The following UBE2H variants were observed in gnomAD, a reference collection of about 807,000 sequenced individuals.
The protein encoded by UBE2H is ubiquitin-conjugating enzyme E2 H.
In UBE2H, 3 loss-of-function variants were observed where a neutral mutation model predicts 29.0. The ratio of observed to expected loss-of-function variants is 0.10; its 90% CI spans 0.05 to 0.27. The LOEUF (loss-of-function observed/expected upper bound fraction) is 0.27, where lower values mean the gene tolerates loss of function less well. Among genes scored for constraint, UBE2H ranks in the 10% least tolerant of loss-of-function variants. The pLI, the probability that UBE2H is intolerant of heterozygous loss-of-function variation, is 1.00. For missense variants in UBE2H, 68 were observed against 228.2 expected, an observed-to-expected ratio of 0.30 and a Z score of 4.52; for synonymous variants, 69 against 82.9, an observed-to-expected ratio of 0.83 and a Z score of 0.91.
intron 1 of UBE2H, among the ~76,000 whole-genome samples, chr7:129,931,836 CTTT>C (rs372552075): frequency 3.0e-5 from 4 of 131,290 alleles, no homozygotes; most frequent in Non-Finnish European, 4.9e-5. Context: ...TTCTACTTTG[CTTT>C]TTTTTTTTTT....
At chr7:129,936,332 C>T (rs559213235) in intron 1 of UBE2H, among the ~76,000 whole-genome samples, 12 of 152,312 alleles carry the variant, frequency 7.9e-5, no homozygotes, top group Non-Finnish European at 1.5e-4. Flanking sequence ...CGGTGGCTCA[C>T]GCCTGTAATC....
At chr7:129,939,561 C>T (rs1171603181) in intron 1 of UBE2H, among the ~76,000 whole-genome samples, 2 of 152,132 alleles carry the variant, frequency 1.3e-5, no homozygotes, top group African/African-American at 4.8e-5. Context: ...AACCAATCAA[C>T]CTTCTACATA....
At chr7:129,864,972 G>A (rs1805873531) in intron 3 of UBE2H, 2 of 371,084 alleles carry the variant, frequency 5.4e-6, no homozygotes, top group African/African-American at 4.2e-5. Context: ...AGGGGATGGG[G>A]AGGATCGTAC....
chr7:129,941,048 G>A (rs1007975995), intron 1 of UBE2H, among the ~76,000 whole-genome samples: 8 of 151,904 alleles, frequency 5.3e-5, no homozygotes, highest in African/African-American at 7.3e-5. Context: ...TCCACCTCCC[G>A]GGTTCAAGCA....
chr7:129,847,096 G>C (rs1349386317), intron 5 of UBE2H, among the ~76,000 whole-genome samples: 1 of 152,068 alleles, frequency 6.6e-6, no homozygotes, highest in Non-Finnish European at 1.5e-5. Flanking sequence ...CCCCAGGCTG[G>C]AGTGTAGTGG....
chr7:129,841,289 ACAAGTACC>A (rs772058555), intron 5 of UBE2H, among the ~76,000 whole-genome samples: 1 of 152,222 alleles, frequency 6.6e-6, no homozygotes, highest in Non-Finnish European at 1.5e-5. Context: ...ATATACAAAA[ACAAGTACC>A]CAAGGTCTGC....
At chr7:129,947,284 A>C (rs2116533189) in intron 1 of UBE2H, among the ~76,000 whole-genome samples, 1 of 152,348 alleles carries the variant, frequency 6.6e-6, no homozygotes, top group Non-Finnish European at 1.5e-5. Flanking sequence ...TAGGCAGGGA[A>C]GACAAATTCA....
chr7:129,859,810 T>C (rs570193226), intron 3 of UBE2H, among the ~76,000 whole-genome samples: 13 of 152,218 alleles, frequency 8.5e-5, no homozygotes, highest in African/African-American at 1.2e-4. Context: ...TTTCAATATC[T>C]GAAGTTCCTT....
chr7:129,916,822 G>A (rs1807053405), intron 1 of UBE2H, among the ~76,000 whole-genome samples: 1 of 152,092 alleles, frequency 6.6e-6, no homozygotes, highest in Non-Finnish European at 1.5e-5. Flanking sequence ...GGGATCAAGA[G>A]GTTAAGAGAT....
chr7:129,872,327 A>G (rs1167929155), intron 3 of UBE2H, among the ~76,000 whole-genome samples: 1 of 152,160 alleles, frequency 6.6e-6, no homozygotes, highest in Non-Finnish European at 1.5e-5. Flanking sequence ...GAGTAACTCT[A>G]GAATGATTCC....
intron 3 of UBE2H, among the ~76,000 whole-genome samples, chr7:129,872,464 T>C (rs1029259178): frequency 1.5e-4 from 23 of 152,112 alleles, no homozygotes; most frequent in African/African-American, 5.3e-4. Flanking sequence ...AAATAAAAAA[T>C]GTATAATGCC....
chr7:129,895,495 C>T (rs983611794), intron 1 of UBE2H, among the ~76,000 whole-genome samples: 1 of 152,190 alleles, frequency 6.6e-6, no homozygotes, highest in Non-Finnish European at 1.5e-5. Context: ...ATAATTTCCC[C>T]GTAAATGATA....
chr7:129,874,711 A>C (rs1385934888), intron 3 of UBE2H, among the ~76,000 whole-genome samples: 1 of 152,116 alleles, frequency 6.6e-6, no homozygotes, highest in African/African-American at 2.4e-5. Flanking sequence ...GGCATTTTTC[A>C]GTTCATATGA....
chr7:129,948,952 CACAT>C (rs1266227961), intron 1 of UBE2H: 2 of 456,252 alleles, frequency 4.4e-6, no homozygotes, highest in Non-Finnish European at 8.8e-6. Flanking sequence ...ACTCTCTTGT[CACAT>C]ACTCCATCAG....
intron 3 of UBE2H, among the ~76,000 whole-genome samples, chr7:129,862,297 C>T (rs573131213): frequency 6.6e-6 from 1 of 152,332 alleles, no homozygotes; most frequent in South Asian, 2.1e-4. Flanking sequence ...ACTCTCAAAA[C>T]TAACACCTAA....
chr7:129,884,592 ATTT>A (rs760022598), intron 1 of UBE2H, among the ~76,000 whole-genome samples: 15 of 133,590 alleles, frequency 1.1e-4, no homozygotes, highest in African/African-American at 1.4e-4. Flanking sequence ...ACGAATTACT[ATTT>A]TTTTTTTTTT....
intron 5 of UBE2H, among the ~76,000 whole-genome samples, chr7:129,843,994 A>C (rs150071883): frequency 6.6e-6 from 1 of 152,350 alleles, no homozygotes; most frequent in African/African-American, 2.4e-5. Context: ...AAGAGATTTT[A>C]TACCCTTTCC....
intron 1 of UBE2H, among the ~76,000 whole-genome samples, chr7:129,928,025 TAAAAAAAAAAAAAAA>T (rs71175049): frequency 7.0e-4 from 90 of 128,522 alleles, no homozygotes; most frequent in Middle Eastern, 3.8e-3. Flanking sequence ...ATCTCAAAAT[TAAAAAAAAAAAAAAA>T]AAAAAAATTT....
At chr7:129,883,714 T>C (rs1584763899) in intron 1 of UBE2H, among the ~76,000 whole-genome samples, 1 of 152,000 alleles carries the variant, frequency 6.6e-6, no homozygotes. Context: ...TGGTGGCGGG[T>C]GCCTGTAGTC....
Sources: gnomAD v4.1 joint callset for allele counts (sites outside exome capture counted in the v4.1 genomes callset) on GRCh38, gnomAD v4.1.1 for gene constraint, MANE v1.5 for transcripts, NCBI Gene and HGNC (gene_info 2026-07-23, HGNC 2026-07-21) for gene names.